PKNOX2: variants seen among roughly 807,000 people sequenced by gnomAD.
PKNOX2 encodes the protein homeobox protein PKNOX2.
PKNOX2 carries 14 observed loss-of-function variants against 53.1 expected under a neutral mutation model. The ratio of observed to expected loss-of-function variants is 0.26; its 90% CI spans 0.17 to 0.41. The LOEUF is 0.41. PKNOX2 is among the 10% of genes least tolerant of loss of function. The pLI, the probability that PKNOX2 is intolerant of heterozygous loss-of-function variation, is 1.00. For missense variants in PKNOX2, 496 were observed against 602.8 expected, an observed-to-expected ratio of 0.82 and a Z score of 1.85; for synonymous variants, 257 against 242.8, an observed-to-expected ratio of 1.06 and a Z score of -0.54.
At chr11:125,198,710 C>T (rs539766688) in intron 1 of PKNOX2, among the ~76,000 whole-genome samples, 27 of 151,790 alleles carry the variant, frequency 1.8e-4, no homozygotes, top group African/African-American at 1.9e-4. Flanking sequence ...CCCTCAGACA[C>T]GGATGCCCTC....
intron 2 of PKNOX2, among the ~76,000 whole-genome samples, chr11:125,275,333 C>T (rs1312179054): frequency 1.3e-5 from 2 of 152,052 alleles, no homozygotes; most frequent in African/African-American, 4.8e-5. Context: ...CTGGGGTGGA[C>T]CTGAGCCAGT....
intron 3 of PKNOX2, among the ~76,000 whole-genome samples, chr11:125,347,929 T>A (rs1016212814): frequency 7.2e-5 from 11 of 152,168 alleles, no homozygotes; most frequent in African/African-American, 2.4e-4. Context: ...TGTGCCCCCT[T>A]GAATGCCCAG....
intron 2 of PKNOX2, among the ~76,000 whole-genome samples, chr11:125,250,113 A>G (rs1287247531): frequency 6.8e-6 from 1 of 147,188 alleles, no homozygotes; most frequent in Non-Finnish European, 1.5e-5. Context: ...TGGGAGTCTC[A>G]CTATGTTGCC....
At chr11:125,420,353 C>A (rs932582898) in intron 10 of PKNOX2, among the ~76,000 whole-genome samples, 1 of 151,674 alleles carries the variant, frequency 6.6e-6, no homozygotes, top group Admixed American at 6.6e-5. Flanking sequence ...CGGTGAAACC[C>A]CACTCTACTA....
intron 2 of PKNOX2, chr11:125,239,861 AG>A: frequency 6.6e-6 from 1 of 152,360 alleles, no homozygotes; most frequent in East Asian, 1.9e-4. Flanking sequence ...GAGCAGTGAC[AG>A]GGGCATTTAG....
intron 10 of PKNOX2, among the ~76,000 whole-genome samples, chr11:125,414,935 A>G (rs1955791051): frequency 6.6e-6 from 1 of 152,212 alleles, no homozygotes; most frequent in Non-Finnish European, 1.5e-5. Flanking sequence ...AATCAGAGGT[A>G]GATAGCTGAT....
chr11:125,374,553 G>A (rs1213459676), intron 5 of PKNOX2, among the ~76,000 whole-genome samples: 1 of 152,114 alleles, frequency 6.6e-6, no homozygotes, highest in African/African-American at 2.4e-5. Flanking sequence ...GCATCATAAG[G>A]CCTCCCGCAC....
chr11:125,390,762 C>T (rs1954000234), intron 6 of PKNOX2, among the ~76,000 whole-genome samples: 1 of 152,210 alleles, frequency 6.6e-6, no homozygotes, highest in Admixed American at 6.5e-5. Flanking sequence ...TCCTCGGTAC[C>T]ACTTCTTTCC....
intron 2 of PKNOX2, among the ~76,000 whole-genome samples, chr11:125,324,512 T>C (rs1473324286): frequency 6.6e-6 from 1 of 152,144 alleles, no homozygotes; most frequent in Non-Finnish European, 1.5e-5. Flanking sequence ...AGATTCCATT[T>C]AGGATTATAT....
At chr11:125,305,787 T>TA (rs2135980451) in intron 2 of PKNOX2, among the ~76,000 whole-genome samples, 1 of 152,222 alleles carries the variant, frequency 6.6e-6, no homozygotes, top group South Asian at 2.1e-4. Flanking sequence ...ACACTTAAAT[T>TA]GGATCCCAGG....
At chr11:125,190,442 G>A (rs994514787) in intron 1 of PKNOX2, among the ~76,000 whole-genome samples, 1 of 152,036 alleles carries the variant, frequency 6.6e-6, no homozygotes, top group African/African-American at 2.4e-5. Context: ...CTTCCTATTC[G>A]TTCTGCGATC....
chr11:125,286,065 G>A, intron 2 of PKNOX2, among the ~76,000 whole-genome samples: 1 of 152,164 alleles, frequency 6.6e-6, no homozygotes, highest in Non-Finnish European at 1.5e-5. Flanking sequence ...GAGAGACGGG[G>A]CAGTGTGAGG....
chr11:125,229,240 C>A (rs753931300), intron 1 of PKNOX2, among the ~76,000 whole-genome samples: 7 of 152,168 alleles, frequency 4.6e-5, no homozygotes, highest in Non-Finnish European at 8.8e-5. Context: ...CATGAGTCAG[C>A]CTCTAGGTGT....
Position 125,178,745 on chromosome 11 carries a change from A to G in PKNOX2, c.-201+13969A>G, listed in dbSNP as rs373009689. ...GAAAGGAAGGAAGAGAGAAAGGAAGAAAGAGAGAGGAAGAAACTGCCCAGG... is the reference window on the plus strand; with the variant it reads ...GAAAGGAAGGAAGAGAGAAAGGAAGGAAGAGAGAGGAAGAAACTGCCCAGG... On this transcript the variant is annotated intron_variant, in intron 1 of 12. Coordinates refer to ENST00000298282, the MANE Select transcript of PKNOX2 (RefSeq NM_001382323.2). 4.1e-3 allele frequency among the ~76,000 whole-genome samples: 538 copies of G among 131,244 alleles called. 9 individuals are homozygous for G. Among genetic ancestry groups the G allele is most frequent in the African/African-American group, 0.018 (520 of 28,194 alleles). 86.1% of individuals were successfully genotyped at this position (131,244 alleles called of 152,430 possible).
rs1482998552 is a variant in PKNOX2 at position 125,332,759 on chromosome 11, T to TC, written c.-23+835dup. ...TCAGTCTCCATTTTGGCAGCAGAAA[T>TC]CATCGCCAAATTCCTCACAAAGCTG... On this transcript the variant is annotated intron_variant, in intron 3 of 12. Transcript: ENST00000298282. 2.6e-5 allele frequency: 4 copies of TC among 152,228 alleles called. No homozygotes were observed. The East Asian group carries it at 5.8e-4, about 22-fold the overall frequency. 9.4% of individuals were successfully genotyped at this position (152,228 alleles called of 1,614,324 possible). A position where few individuals can be genotyped will look rare whatever the true frequency, so the allele number is the denominator to read the frequency against.
At chr11:125,258,841 TC>T in intron 2 of PKNOX2, 1 of 348,574 alleles carries the variant, frequency 2.9e-6, no homozygotes, top group Non-Finnish European at 5.9e-6. Context: ...TTGCTTTGGG[TC>T]CCCTGGGGAT....
intron 4 of PKNOX2, among the ~76,000 whole-genome samples, chr11:125,367,008 G>A (rs1952223804): frequency 1.3e-5 from 2 of 152,178 alleles, no homozygotes; most frequent in African/African-American, 4.8e-5. Context: ...TATGGACAGG[G>A]TGATGTAAGA....
chr11:125,420,370 C>CA (rs1565522215), intron 10 of PKNOX2, among the ~76,000 whole-genome samples: 1 of 151,594 alleles, frequency 6.6e-6, no homozygotes, highest in African/African-American at 2.4e-5. Flanking sequence ...ACTAAAAATA[C>CA]AAAAAATTAG....
intron 5 of PKNOX2, among the ~76,000 whole-genome samples, chr11:125,371,251 A>C (rs1952523585): frequency 6.6e-6 from 1 of 152,036 alleles, no homozygotes; most frequent in Non-Finnish European, 1.5e-5. Context: ...ATCGCGGGTA[A>C]TTGTGTTTGT....
Sources: allele counts gnomAD v4.1 joint callset (sites outside exome capture counted in the v4.1 genomes callset), GRCh38; gene constraint gnomAD v4.1.1; transcripts MANE v1.5; gene names NCBI Gene and HGNC (gene_info 2026-07-23, HGNC 2026-07-21).